Variants in HDAC6 observed in about 807,000 individuals in gnomAD.
HDAC6 encodes the protein protein deacetylase HDAC6.
HDAC6 carries 5 observed loss-of-function variants against 88.9 expected under a neutral mutation model. The ratio of observed to expected loss-of-function variants is 0.06; its 90% confidence interval spans 0.03 to 0.12. The LOEUF is 0.12. Ranked by LOEUF, HDAC6 falls within the 10% of genes least tolerant of loss-of-function variation. The pLI, the probability that HDAC6 is intolerant of heterozygous loss-of-function variation, is 1.00. For synonymous variants in HDAC6, 378 were observed against 398.0 expected, an observed-to-expected ratio of 0.95 and a Z score of 0.60; for missense variants, 706 against 1,014.4, an observed-to-expected ratio of 0.70 and a Z score of 4.13.
chrX:48,805,723 C>G, intron 6 of HDAC6, 52 bp downstream of exon 6: 4 of 1,029,428 alleles, frequency 3.9e-6, no homozygotes, highest in Non-Finnish European at 5.3e-6. Context: ...CCTGGACAAA[C>G]CAGGGCAAGC....
At chrX:48,810,651 C>T (rs2062888019) in intron 10 of HDAC6, 1 of 107,735 alleles carries the variant, frequency 9.3e-6, no homozygotes, top group African/African-American at 3.4e-5. Context: ...CTCTGTTGCC[C>T]AGACTGGAGT....
rs781911149 is a variant in HDAC6, at chrX:48,808,153, C to T, written c.737+16C>T. Reference sequence around the variant, plus strand: ...GCATCCGGAGGTCAGCAACAGAGGGCAGATGTGATGGGGGTGGCATGGGGT... The same window carrying T: ...GCATCCGGAGGTCAGCAACAGAGGGTAGATGTGATGGGGGTGGCATGGGGT... On this transcript the variant is annotated intron_variant, in intron 9 of 28. Transcript: ENST00000334136. 28 of 1,164,994 alleles carry T rather than the reference C, an allele frequency of 2.4e-5. No homozygotes were observed. The Admixed American group carries it at 4.3e-4, about 18-fold the overall frequency.
chrX:48,802,808 A>AT, intron 2 of HDAC6, 23 bp downstream of exon 2: 1 of 1,207,079 alleles, frequency 8.3e-7, no homozygotes, highest in Non-Finnish European at 1.1e-6. Context: ...ACCCGCCCTG[A>AT]TGAGGGGGAG....
chrX:48,803,260 A>G (rs2062758299), intron 4 of HDAC6, 44 bp downstream of exon 4: 2 of 965,149 alleles, frequency 2.1e-6, no homozygotes, highest in Admixed American at 4.7e-5. Context: ...ACAAAAATAC[A>G]CACACTTAGA....
In HDAC6 at chrX:48,815,895, G is replaced by A; in HGVS notation, c.1336G>A (p.Glu446Lys). ...EVLVRSTETV[E>K]RDNMEEDNVE... is the part of the protein sequence containing the mutation. ...CCTCCCCCTTTTAGCTGAGACCGTG[G>A]AGAGGGACAACATGGAGGAGGACAA... Residue 446 changes from glutamate (E) to lysine (K), a missense_variant, in exon 17 of 29, where the codon GAG becomes AAG. Coordinates refer to ENST00000334136, the MANE Select transcript of HDAC6 (RefSeq NM_006044.4). The A allele has an allele frequency of 1.7e-6, 2 of 1,210,928 alleles. No homozygotes were observed. Among genetic ancestry groups the A allele is most frequent in the Non-Finnish European group, 2.2e-6 (2 of 895,031 alleles).
intron 22 of HDAC6, chrX:48,819,323 CTG>C (rs1383057994): frequency 8.5e-6 from 1 of 117,834 alleles, no homozygotes; most frequent in Non-Finnish European, 1.8e-5. Flanking sequence ...ACGTGTGGCT[CTG>C]TGTGACCATC....
In HDAC6 at chrX:48,823,506, C is replaced by T. The variant is rs782119289; in HGVS notation, c.3107C>T (p.Pro1036Leu). The change falls in exon 25 of 29, where the codon CCT becomes CTT. Residue 1036 changes from proline (P) to leucine (L), a missense_variant. Coordinates refer to ENST00000334136, the MANE Select transcript of HDAC6 (RefSeq NM_006044.4). ...GACCACCAGACCCCCCCAACCTCACCTGTGCAGGGAACTACACCCCAGATA... is the reference window on the plus strand; with the variant it reads ...GACCACCAGACCCCCCCAACCTCACTTGTGCAGGGAACTACACCCCAGATA... Reference protein sequence around the residue: ...STDHQTPPTSPVQGTTPQISP... With the variant: ...STDHQTPPTSLVQGTTPQISP... 8.3e-7 allele frequency: 1 copy of T among 1,210,743 alleles called. No homozygotes were observed. The highest frequency in any genetic ancestry group is 1.1e-6 in the Non-Finnish European group (1 of 894,897).
At chrX:48,824,452 A>G (rs2063135204) in intron 28 of HDAC6, 92 bp from the exon 29 acceptor site, 1 of 1,067,267 alleles carries the variant, frequency 9.4e-7, no homozygotes, top group East Asian at 3.0e-5. Context: ...CAGAAGACAG[A>G]GTGGTTGAGG....
At chrX:48,815,548 ACAT>A in intron 15 of HDAC6, 24 bp from the exon 16 acceptor site, 1 of 1,206,616 alleles carries the variant, frequency 8.3e-7, no homozygotes, top group East Asian at 3.0e-5. Flanking sequence ...ACATTCCTTG[ACAT>A]CATATTTTCT....
chrX:48,817,186 C>T (rs1361022122), intron 19 of HDAC6, 140 bp from the exon 20 acceptor site: 33 of 671,473 alleles, frequency 4.9e-5, no homozygotes, highest in African/African-American at 9.4e-5. Flanking sequence ...TGGCAGGCGG[C>T]GCTTGCAGTG....
At position 48,806,066 on chromosome X, in the gene HDAC6, T is replaced by G. The variant is rs782256417; in HGVS notation, c.438-302T>G. On this transcript the variant is annotated intron_variant, in intron 6 of 28. Coordinates refer to ENST00000334136, the MANE Select transcript of HDAC6 (RefSeq NM_006044.4). Reference sequence around the variant, plus strand: ...CAGAGCAGGTATCTGAGCTGAACTTTAAGAGGAGAAAAAGAGTGAGTCAGA... The same window carrying G: ...CAGAGCAGGTATCTGAGCTGAACTTGAAGAGGAGAAAAAGAGTGAGTCAGA... The G allele has an allele frequency of 1.7e-5, 6 of 350,186 alleles. No individual in the cohort carries two copies. In the South Asian group the frequency reaches 2.4e-4, roughly 14 times the overall value. The allele number at this position is 350,186 out of a possible 1,213,427, so 28.9% of individuals were successfully genotyped here. A position where few individuals can be genotyped will look rare whatever the true frequency, so the allele number is the denominator to read the frequency against.
At chrX:48,802,628 C>T in intron 1 of HDAC6, 35 bp from the exon 2 acceptor site, 6 of 1,167,351 alleles carry the variant, frequency 5.1e-6, no homozygotes, top group Non-Finnish European at 6.9e-6. Context: ...CACACTAGCC[C>T]CCTCACATAC....
rs1557024286 is a variant in HDAC6 at position 48,806,374 on chromosome X, A to G, written c.444A>G (p.Glu148=). 2 of 1,169,270 alleles carry G rather than the reference A, an allele frequency of 1.7e-6. No individual in the cohort carries two copies. The highest frequency in any genetic ancestry group is 1.8e-5 in the South Asian group (1 of 56,004). ...ATCTCCCATCTGTGTCTAGCCTAGAATATATTGATCTGATGGAAACAACCC... is the reference window on the plus strand; with the variant it reads ...ATCTCCCATCTGTGTCTAGCCTAGAGTATATTGATCTGATGGAAACAACCC... ...KEELMLVHSL[E]YIDLMETTQY... Residue 148 remains glutamate (E), a synonymous_variant, in exon 7 of 29, where the codon GAA becomes GAG. Transcript: ENST00000334136.
chrX:48,814,922 G>A, intron 13 of HDAC6, 29 bp downstream of exon 13: 1 of 1,209,527 alleles, frequency 8.3e-7, no homozygotes, highest in Middle Eastern at 2.3e-4. Context: ...GGCGGCAGGT[G>A]GGTTGCATGG....
chrX:48,824,469 G>A, intron 28 of HDAC6, 75 bp from the exon 29 acceptor site: 1 of 1,079,386 alleles, frequency 9.3e-7, no homozygotes, highest in Non-Finnish European at 1.3e-6. Flanking sequence ...GAGGGCTGGA[G>A]TGGGGGCAGC....
At chrX:48,802,202 C>CCGGGGT in intron 1 of HDAC6, 60 bp downstream of exon 1, 10 of 870,343 alleles carry the variant, frequency 1.1e-5, no homozygotes, top group Non-Finnish European at 1.4e-5. Flanking sequence ...GGAGTCGAAA[C>CCGGGGT]CGGGGTCGGG....
At chrX:48,809,268 A>G (rs1365766721) in intron 10 of HDAC6, among the ~76,000 whole-genome samples, 1 of 111,892 alleles carries the variant, frequency 8.9e-6, no homozygotes, top group Admixed American at 9.5e-5. Context: ...GGAGGGGACC[A>G]GCTTACCCTT....
In HDAC6 at chrX:48,824,534, T is replaced by G. The variant is rs782126523; in HGVS notation, c.3580-10T>G. The G allele has an allele frequency of 2.5e-6, 3 of 1,206,243 alleles. No individual in the cohort carries two copies. Among genetic ancestry groups the G allele is most frequent in the East Asian group, 3.0e-5 (1 of 33,761 alleles). ...CTCTCTCACCTGCCCTATTCTTGCC[T>G]CCTCCTCAGGCTCTCCTAGATGTGA... On this transcript the variant is annotated splice_polypyrimidine_tract_variant and intron_variant, in intron 28 of 28. Coordinates refer to ENST00000334136, the MANE Select transcript of HDAC6 (RefSeq NM_006044.4).
chrX:48,815,159 A>G, intron 14 of HDAC6, 108 bp downstream of exon 14: 2 of 686,977 alleles, frequency 2.9e-6, no homozygotes, highest in Non-Finnish European at 4.5e-6. Flanking sequence ...TACTAGCTGG[A>G]CAACCTTGCA....
Sources: allele counts gnomAD v4.1 joint callset (sites outside exome capture counted in the v4.1 genomes callset), GRCh38; gene constraint gnomAD v4.1.1; transcripts MANE v1.5; gene names NCBI Gene and HGNC (gene_info 2026-07-23, HGNC 2026-07-21).